The following MYOM1 variants were observed in gnomAD, a reference collection of about 807,000 sequenced individuals.
MYOM1 encodes the protein myomesin 1.
In MYOM1, 164 loss-of-function variants were observed where a neutral mutation model predicts 205.3. That is an observed-to-expected ratio of 0.80 (90% CI 0.70 to 0.91). The LOEUF (loss-of-function observed/expected upper bound fraction) is 0.91. Ranked by LOEUF, MYOM1 falls within the 40% of genes least tolerant of loss-of-function variation. The probability of loss-of-function intolerance (pLI) is 0.00; values close to 1 mark genes in which losing one functional copy is unlikely to be tolerated. For synonymous variants in MYOM1, 772 were observed against 789.4 expected (o/e 0.98, Z 0.37); for missense variants, 2,011 against 2,127.3 (o/e 0.95, Z 1.08).
chr18:3,130,312 G>A (rs11662434), intron 17 of MYOM1, among the ~76,000 whole-genome samples: 28,540 of 152,016 alleles, frequency 0.19, 2,882 homozygotes, highest in East Asian at 0.33. Context: ...CAAAGTGCTG[G>A]GATTACAGGC....
At chr18:3,143,250 A>T (rs1293855188) in intron 13 of MYOM1, among the ~76,000 whole-genome samples, 1 of 152,124 alleles carries the variant, frequency 6.6e-6, no homozygotes, top group Non-Finnish European at 1.5e-5. Flanking sequence ...CTGAGAGAAA[A>T]AACTGTCAAC....
At position 3,158,823 on chromosome 18, in the gene MYOM1, AG is replaced by A. The variant is rs371789002; in HGVS notation, c.1502-3736del. Among the ~76,000 whole-genome samples the A allele has an allele frequency of 7.8e-3, 1,191 of 152,284 alleles. 16 individuals are homozygous for A. Among genetic ancestry groups the A allele is most frequent in the African/African-American group, 0.028 (1,148 of 41,550 alleles). On this transcript the variant is annotated intron_variant, in intron 10 of 37. Transcript: ENST00000356443. ...GAGACAGGGTCTCACTGTGTTGCCC[AG>A]GCTGGTCTTGAACTCCTGGGCTCAA...
chr18:3,173,390 A>G (rs2080587954), intron 8 of MYOM1, among the ~76,000 whole-genome samples: 1 of 152,162 alleles, frequency 6.6e-6, no homozygotes, highest in Non-Finnish European at 1.5e-5. Context: ...ACTGACACAC[A>G]ACAGGTAACA....
rs112278387 is a variant in MYOM1, at chr18:3,186,203, G to GA, written c.929+1276dup. Among the ~76,000 whole-genome samples the GA allele has an allele frequency of 3.5e-3, 504 of 143,008 alleles. 3 individuals are homozygous for GA. Among genetic ancestry groups the GA allele is most frequent in the African/African-American group, 0.012 (456 of 39,176 alleles). The allele number at this position is 143,008 out of a possible 152,430, so 93.8% of individuals were successfully genotyped here. ...AAGGCGGGACTCTGTCTCAAAAAAG[G>GA]AAAAAAAAAAAGAATAACCTTAGAG... On this transcript the variant is annotated intron_variant, in intron 5 of 37. Transcript: ENST00000356443.
intron 16 of MYOM1, among the ~76,000 whole-genome samples, chr18:3,132,131 T>TAC: frequency 6.8e-6 from 1 of 147,302 alleles, no homozygotes; most frequent in Non-Finnish European, 1.5e-5. Context: ...TATATATATA[T>TAC]ATATGAGTTA....
chr18:3,192,762 C>T (rs4798072), intron 3 of MYOM1, among the ~76,000 whole-genome samples: 82,256 of 151,988 alleles, frequency 0.54, 23,457 homozygotes, highest in African/African-American at 0.74. Context: ...AATGTTTATG[C>T]AATAAAGATA....
At chr18:3,068,611 G>T (rs1413495311) in intron 37 of MYOM1, among the ~76,000 whole-genome samples, 3 of 152,098 alleles carry the variant, frequency 2.0e-5, no homozygotes, top group Non-Finnish European at 2.9e-5. Flanking sequence ...TCAGGTCAAA[G>T]ATATTATATA....
chr18:3,112,332 G>A lies in MYOM1; in HGVS notation c.3384C>T (p.Asp1128=), dbSNP rs1185346905. The A allele has an allele frequency of 6.2e-7, 1 of 1,613,030 alleles. No homozygotes were observed. The highest frequency in any genetic ancestry group is 8.5e-7 in the Non-Finnish European group (1 of 1,179,168). Reference sequence around the variant, plus strand: ...TCTCTGCCACAACAGGGCCAGCAAGGTCAGATGGCTTCCCAACTCCCGCCT... The same window carrying A: ...TCTCTGCCACAACAGGGCCAGCAAGATCAGATGGCTTCCCAACTCCCGCCT... ...INQAGVGKPS[D]LAGPVVAETR... is the part of the protein sequence containing the mutation. The change falls in exon 22 of 38, where the codon GAC becomes GAT. Residue 1128 remains aspartate, a synonymous_variant. Transcript: ENST00000356443.
chr18:3,186,867 G>T (rs972627482), intron 5 of MYOM1, among the ~76,000 whole-genome samples: 1 of 145,460 alleles, frequency 6.9e-6, no homozygotes, highest in Non-Finnish European at 1.5e-5. Flanking sequence ...AGGAAGGAAG[G>T]AAGGGAGAGA....
intron 34 of MYOM1, among the ~76,000 whole-genome samples, chr18:3,076,627 G>C (rs1392569261): frequency 6.6e-6 from 1 of 152,102 alleles, no homozygotes; most frequent in Non-Finnish European, 1.5e-5. Flanking sequence ...AAAGGCAAGT[G>C]GGACAAGAAA....
chr18:3,187,550 T>C lies in MYOM1; in HGVS notation c.859A>G (p.Thr287Ala), dbSNP rs1486078771. 1 of 1,613,788 alleles carries C rather than the reference T, an allele frequency of 6.2e-7. No homozygotes were observed. ...PEFIIKPRSHTVWEKENVKLH... is the reference protein window; with the variant it reads ...PEFIIKPRSHAVWEKENVKLH... ...TTTACATTCTCCTTCTCCCAAACCG[T>C]GTGGGAGCGAGGTTTAATGATAAAC... Residue 287 changes from threonine (T) to alanine (A), a missense_variant, in exon 5 of 38, where the codon ACG becomes GCG. By Grantham distance (58) the Thr-to-Ala change is moderately conservative. Transcript: ENST00000356443.
At position 3,130,051 on chromosome 18, in the gene MYOM1, CT is replaced by C. The variant is rs777671133; in HGVS notation, c.2507-533del. ...TCTTCCTTCCTTCGTTTTCTTTCTT[CT>C]TTTTTTTTTTTTTGGAGTCTCACTC... On this transcript the variant is annotated intron_variant, in intron 17 of 37. Transcript: ENST00000356443. Among the ~76,000 whole-genome samples, 452 of 144,786 alleles carry C rather than the reference CT, an allele frequency of 3.1e-3. 1 individual carries two copies. The highest frequency in any genetic ancestry group is 5.3e-3 in the African/African-American group (210 of 39,730). The allele number at this position is 144,786 out of a possible 152,430, so 95.0% of individuals were successfully genotyped here. A position where few individuals can be genotyped will look rare whatever the true frequency, so the allele number is the denominator to read the frequency against.
In MYOM1 at chr18:3,174,002, T is replaced by C. The variant is rs1448312783; in HGVS notation, c.1112-2A>G. ...TCTCATCAAACTCTCCCTTATACCCTAGAGAAGAAAACAGAAACGCATGTG... is the reference window on the plus strand; with the variant it reads ...TCTCATCAAACTCTCCCTTATACCCCAGAGAAGAAAACAGAAACGCATGTG... On this transcript the variant is annotated splice_acceptor_variant, in intron 7 of 37. Coordinates refer to ENST00000356443, the MANE Select transcript of MYOM1 (RefSeq NM_003803.4). LOFTEE classifies it high-confidence loss of function. The C allele has an allele frequency of 1.9e-6, 3 of 1,612,780 alleles. No individual in the cohort carries two copies. The highest frequency in any genetic ancestry group is 2.5e-6 in the Non-Finnish European group (3 of 1,179,170).
intron 12 of MYOM1, among the ~76,000 whole-genome samples, chr18:3,150,506 C>T (rs2080203030): frequency 6.6e-6 from 1 of 152,130 alleles, no homozygotes; most frequent in African/African-American, 2.4e-5. Flanking sequence ...CTCCATGACA[C>T]TGCTGGCATC....
chr18:3,217,748 C>T (rs1212720673), intron 1 of MYOM1, among the ~76,000 whole-genome samples: 1 of 151,994 alleles, frequency 6.6e-6, no homozygotes, highest in East Asian at 1.9e-4. Context: ...TTTGAGAGGC[C>T]AAGGCAGGAG....
intron 5 of MYOM1, among the ~76,000 whole-genome samples, chr18:3,183,460 G>C (rs759392908): frequency 3.2e-4 from 48 of 152,148 alleles, no homozygotes; most frequent in Non-Finnish European, 1.0e-4. Flanking sequence ...CATTTGTTAG[G>C]CCTCAGGAAC....
In MYOM1 at chr18:3,193,920, G is replaced by A. The variant is rs75131308; in HGVS notation, c.329C>T (p.Ser110Phe). The change falls in exon 3 of 38, where the codon TCC becomes TTC. Residue 110 changes from serine to phenylalanine, a missense_variant. Coordinates refer to ENST00000356443, the MANE Select transcript of MYOM1 (RefSeq NM_003803.4). Reference sequence around the variant, plus strand: ...TCTCTTTGGTTTGGGGCTCAACTTGGATGAATAATCATCTAACAGCAGACT... The same window carrying A: ...TCTCTTTGGTTTGGGGCTCAACTTGAATGAATAATCATCTAACAGCAGACT... ...DSSLLLDDYS[S>F]KLSPKPKRAK... 20 of 1,613,738 alleles carry A rather than the reference G, an allele frequency of 1.2e-5. No homozygotes were observed. Among genetic ancestry groups the A allele is most frequent in the Non-Finnish European group, 1.7e-5 (20 of 1,179,766 alleles).
Position 3,135,837 on chromosome 18 carries a change from T to C in MYOM1, c.2026-107A>G, listed in dbSNP as rs2079951158. 2 of 1,212,780 alleles carry C rather than the reference T, an allele frequency of 1.6e-6. No individual in the cohort carries two copies. Among genetic ancestry groups the C allele is most frequent in the South Asian group, 1.4e-5 (1 of 71,030 alleles). 75.1% of individuals were successfully genotyped at this position (1,212,780 alleles called of 1,614,324 possible). ...ATCTGCAACAAACCACTCCCTGTAA[T>C]GCAAGCTGGACTGGAGGAGAGATGA... is the stretch of plus-strand genomic sequence containing the variant. On this transcript the variant is annotated intron_variant, in intron 14 of 37. Transcript: ENST00000356443. This position sits in a 1 kb window ranked among gnomAD's most constrained non-coding sequence, Gnocchi z 4.1.
chr18:3,110,705 T>C (rs2079513364), intron 22 of MYOM1, among the ~76,000 whole-genome samples: 1 of 151,082 alleles, frequency 6.6e-6, no homozygotes, highest in South Asian at 2.1e-4. Context: ...AATAAGCCTA[T>C]GTTCAGGTAC....
Sources: allele counts gnomAD v4.1 joint callset (sites outside exome capture counted in the v4.1 genomes callset), GRCh38; gene constraint gnomAD v4.1.1; non-coding constraint Gnocchi (gnomAD v3.1); transcripts MANE v1.5; gene names NCBI Gene and HGNC (gene_info 2026-07-23, HGNC 2026-07-21).